KHDRBS2: variants seen among roughly 807,000 people sequenced by gnomAD.
KHDRBS2 encodes the protein KH RNA binding domain containing, signal transduction associated 2.
Under a neutral mutation model 44.3 loss-of-function variants are expected in KHDRBS2, and 26 were observed. That is an observed-to-expected ratio of 0.59 (90% CI 0.43 to 0.81). The LOEUF is 0.81. KHDRBS2 is among the 40% of genes least tolerant of loss of function. The pLI is 0.00. For missense variants in KHDRBS2, 476 were observed against 433.1 expected, an observed-to-expected ratio of 1.10 and a Z score of -0.88; for synonymous variants, 194 against 151.1, an observed-to-expected ratio of 1.28 and a Z score of -2.08.
chr6:62,037,172 A>C (rs1785457948), intron 3 of KHDRBS2, among the ~76,000 whole-genome samples: 1 of 151,958 alleles, frequency 6.6e-6, no homozygotes. Flanking sequence ...AATGTGGATA[A>C]GACTTTGAAA....
the KHDRBS2 span, among the ~76,000 whole-genome samples, chr6:61,550,019 C>T: frequency 1.3e-5 from 2 of 152,122 alleles, no homozygotes; most frequent in Non-Finnish European, 1.5e-5. Flanking sequence ...TTTAATCCCT[C>T]TATGCACAGA....
At chr6:62,177,140 C>T (rs1253451397) in intron 2 of KHDRBS2, 45 bp downstream of exon 2, 1 of 1,128,412 alleles carries the variant, frequency 8.9e-7, no homozygotes, top group Non-Finnish European at 1.3e-6. Context: ...CTTCTTTTAT[C>T]ATTTCTAAAT....
At chr6:61,545,501 C>CTGTGTGTGTGTGTGTGTGTG in the KHDRBS2 span, among the ~76,000 whole-genome samples, 2,622 of 148,388 alleles carry the variant, frequency 0.018, 39 homozygotes, top group Middle Eastern at 0.059. Flanking sequence ...TAGCTAATCT[C>CTGTGTGTGTGTGTGTGTGTG]TGTGTGTGTG....
intron 2 of KHDRBS2, among the ~76,000 whole-genome samples, chr6:62,139,737 A>G (rs1204523652): frequency 1.3e-5 from 2 of 152,182 alleles, no homozygotes; most frequent in African/African-American, 4.8e-5. Context: ...GATGAGAAGA[A>G]TAAGTTCATT....
At chr6:61,925,118 C>A (rs1808719606) in intron 4 of KHDRBS2, among the ~76,000 whole-genome samples, 2 of 151,998 alleles carry the variant, frequency 1.3e-5, no homozygotes, top group Admixed American at 6.6e-5. Flanking sequence ...TTAATACTTG[C>A]AAAATTAGCT....
At chr6:61,611,513 A>G in the KHDRBS2 span, among the ~76,000 whole-genome samples, 1 of 152,168 alleles carries the variant, frequency 6.6e-6, no homozygotes, top group Non-Finnish European at 1.5e-5. Context: ...TATCTCCTCT[A>G]CTACTTCTGT....
the KHDRBS2 span, among the ~76,000 whole-genome samples, chr6:61,563,641 C>A: frequency 6.6e-6 from 1 of 151,994 alleles, no homozygotes; most frequent in Admixed American, 6.6e-5. Context: ...GAATCAAGGG[C>A]AATTTTAGTC....
At chr6:62,263,906 T>A (rs1838768385) in intron 1 of KHDRBS2, among the ~76,000 whole-genome samples, 1 of 151,812 alleles carries the variant, frequency 6.6e-6, no homozygotes. Flanking sequence ...GATATCATTT[T>A]AACCTCCAGG....
chr6:61,609,288 G>A, the KHDRBS2 span, among the ~76,000 whole-genome samples: 35 of 152,200 alleles, frequency 2.3e-4, no homozygotes, highest in Non-Finnish European at 4.4e-4. Flanking sequence ...AACCCAGGAG[G>A]TGGATGTTGC....
At chr6:61,875,857 CTT>C (rs1015008300) in intron 6 of KHDRBS2, among the ~76,000 whole-genome samples, 48 of 152,032 alleles carry the variant, frequency 3.2e-4, no homozygotes, top group African/African-American at 1.0e-3. Context: ...TAATTACCCT[CTT>C]ATATTTATTT....
Position 62,039,255 on chromosome 6 carries a change from AAC to A in KHDRBS2, c.336+8621_336+8622del, listed in dbSNP as rs142933011. 1.4e-3 allele frequency among the ~76,000 whole-genome samples: 204 copies of A among 145,866 alleles called. 1 individual carries two copies. The highest frequency in any genetic ancestry group is 4.3e-3 in the African/African-American group (169 of 39,442). ...ACATATCTATATAGATACACAGGCA[AAC>A]ACACACACACACACACACACACACA... is the stretch of plus-strand genomic sequence containing the variant. On this transcript the variant is annotated intron_variant, in intron 3 of 8. Coordinates refer to ENST00000281156, the MANE Select transcript of KHDRBS2 (RefSeq NM_152688.4).
intron 2 of KHDRBS2, among the ~76,000 whole-genome samples, chr6:62,162,100 T>TA (rs971412794): frequency 1.1e-4 from 16 of 152,096 alleles, no homozygotes; most frequent in African/African-American, 3.4e-4. Flanking sequence ...CTGTAGAAAA[T>TA]AAAAAAATGG....
intron 1 of KHDRBS2, among the ~76,000 whole-genome samples, chr6:62,249,690 G>T (rs1183023772): frequency 6.6e-6 from 1 of 151,986 alleles, no homozygotes; most frequent in African/African-American, 2.4e-5. Context: ...CCGCCTGCTT[G>T]CTGTCCATAT....
chr6:61,879,621 A>G (rs1799930428), intron 6 of KHDRBS2, among the ~76,000 whole-genome samples: 1 of 151,974 alleles, frequency 6.6e-6, no homozygotes, highest in South Asian at 2.1e-4. Flanking sequence ...AGCATAACAG[A>G]GAATGGAGAG....
chr6:62,118,250 C>G lies in KHDRBS2; in HGVS notation c.219+58935G>C, dbSNP rs80355644. Reference sequence around the variant, plus strand: ...AGGTTCTCTATTCTGTTCCATTGTTCTATGTGTCTGATTTTATGCAAATGC... The same window carrying G: ...AGGTTCTCTATTCTGTTCCATTGTTGTATGTGTCTGATTTTATGCAAATGC... On this transcript the variant is annotated intron_variant, in intron 2 of 8. Transcript: ENST00000281156. Among the ~76,000 whole-genome samples, 1,185 of 152,192 alleles carry G rather than the reference C, an allele frequency of 7.8e-3. 14 individuals carry two copies. The highest frequency in any genetic ancestry group is 0.027 in the African/African-American group (1,118 of 41,530).
chr6:62,063,341 G>A (rs187141427), intron 2 of KHDRBS2, among the ~76,000 whole-genome samples: 88 of 151,306 alleles, frequency 5.8e-4, no homozygotes, highest in African/African-American at 1.7e-3. Context: ...GAGAATTTTA[G>A]ACCAATATCC....
At chr6:62,074,487 C>G (rs911356882) in intron 2 of KHDRBS2, among the ~76,000 whole-genome samples, 3 of 152,012 alleles carry the variant, frequency 2.0e-5, no homozygotes, top group South Asian at 2.1e-4. Flanking sequence ...CCTCACCTCT[C>G]ATGTCTGGCT....
intron 6 of KHDRBS2, among the ~76,000 whole-genome samples, chr6:61,825,996 C>A (rs1348953856): frequency 6.6e-6 from 1 of 152,166 alleles, no homozygotes; most frequent in East Asian, 1.9e-4. Flanking sequence ...TGGATGATTT[C>A]TCTGTCTTGG....
intron 2 of KHDRBS2, among the ~76,000 whole-genome samples, chr6:62,061,306 T>C (rs1312527174): frequency 6.6e-6 from 1 of 151,864 alleles, no homozygotes; most frequent in Admixed American, 6.6e-5. Context: ...TTGCAGCGGC[T>C]GGTACCGGTT....
Sources: gnomAD v4.1 joint callset for allele counts (sites outside exome capture counted in the v4.1 genomes callset) on GRCh38, gnomAD v4.1.1 for gene constraint, MANE v1.5 for transcripts, NCBI Gene and HGNC (gene_info 2026-07-23, HGNC 2026-07-21) for gene names.